The following FHIT variants were observed in gnomAD, a reference collection of about 807,000 sequenced individuals.
FHIT encodes bis(5'-adenosyl)-triphosphatase.
Under a neutral mutation model 17.9 loss-of-function variants are expected in FHIT, and 19 were observed. The observed-to-expected ratio is 1.06, with a 90% confidence interval of 0.74 to 1.56. The LOEUF is 1.56. Among genes scored for constraint, FHIT ranks in the 40% most tolerant of loss-of-function variants. FHIT has a pLI of 0.00. For synonymous variants in FHIT, 81 were observed against 69.7 expected, an observed-to-expected ratio of 1.16 and a Z score of -0.81; for missense variants, 248 against 189.2, an observed-to-expected ratio of 1.31 and a Z score of -1.82.
intron 5 of FHIT, among the ~76,000 whole-genome samples, chr3:60,333,916 A>C (rs1479879167): frequency 6.6e-6 from 1 of 152,138 alleles, no homozygotes; most frequent in South Asian, 2.1e-4. Flanking sequence ...CTTCCTGTTG[A>C]TCAACTTCTC....
In FHIT at chr3:60,388,215, C is replaced by A. The variant is rs575401282; in HGVS notation, c.103+148645G>T. Among the ~76,000 whole-genome samples, 8 of 152,240 alleles carry A rather than the reference C, an allele frequency of 5.3e-5. No individual in the cohort carries two copies. The South Asian group carries it at 1.7e-3, about 32-fold the overall frequency. On this transcript the variant is annotated intron_variant, in intron 5 of 9. Coordinates refer to ENST00000492590, the MANE Select transcript of FHIT (RefSeq NM_002012.4). ...ACCACATCTGAGATAAAATTAACCC[C>A]CTAAATAAGCACACAAATGGTATTG...
intron 5 of FHIT, among the ~76,000 whole-genome samples, chr3:60,373,836 T>A (rs372700326): frequency 1.3e-5 from 2 of 152,176 alleles, no homozygotes; most frequent in African/African-American, 4.8e-5. Context: ...CTAGTAGCCA[T>A]GGAAGAAAAG....
chr3:59,787,968 A>G (rs1236517799), intron 8 of FHIT, among the ~76,000 whole-genome samples: 3 of 152,182 alleles, frequency 2.0e-5, no homozygotes, highest in Non-Finnish European at 4.4e-5. Flanking sequence ...AGAAGTTCTG[A>G]GGAAGTGACA....
At chr3:60,241,521 CTTCCT>C in intron 5 of FHIT, among the ~76,000 whole-genome samples, 1 of 152,212 alleles carries the variant, frequency 6.6e-6, no homozygotes, top group Non-Finnish European at 1.5e-5. Context: ...AAGGTACTAT[CTTCCT>C]ATTAATCTGT....
chr3:60,039,858 T>A (rs1046278473), intron 5 of FHIT, among the ~76,000 whole-genome samples: 5 of 152,188 alleles, frequency 3.3e-5, no homozygotes, highest in African/African-American at 1.2e-4. Flanking sequence ...AATTAACCTG[T>A]CAGAGTCTAA....
chr3:60,342,224 G>C (rs926657155), intron 5 of FHIT, among the ~76,000 whole-genome samples: 4 of 152,182 alleles, frequency 2.6e-5, no homozygotes, highest in African/African-American at 4.8e-5. Flanking sequence ...TCAGTAAGTA[G>C]TTATTGAATA....
At chr3:60,946,607 G>T (rs1553775834) in intron 3 of FHIT, among the ~76,000 whole-genome samples, 3 of 152,122 alleles carry the variant, frequency 2.0e-5, no homozygotes. Context: ...ACAGGGCGCT[G>T]GGGGGAACGT....
intron 3 of FHIT, among the ~76,000 whole-genome samples, chr3:60,887,345 A>G (rs1234364646): frequency 3.3e-5 from 5 of 152,180 alleles, no homozygotes; most frequent in Admixed American, 1.3e-4. Context: ...TTTAAAGTGT[A>G]TAAGATAAAA....
At chr3:60,262,260 T>A (rs544042680) in intron 5 of FHIT, among the ~76,000 whole-genome samples, 2 of 151,998 alleles carry the variant, frequency 1.3e-5, no homozygotes, top group Non-Finnish European at 2.9e-5. Context: ...TTTAGATAAA[T>A]ATAAAGCAAA....
chr3:60,239,286 G>A (rs1187640086), intron 5 of FHIT, among the ~76,000 whole-genome samples: 2 of 152,158 alleles, frequency 1.3e-5, no homozygotes, highest in Non-Finnish European at 2.9e-5. Context: ...TTGGCTGGGA[G>A]GAGAGGCTCA....
intron 8 of FHIT, among the ~76,000 whole-genome samples, chr3:59,857,267 A>C (rs1322296175): frequency 8.5e-5 from 13 of 152,106 alleles, no homozygotes; most frequent in Non-Finnish European, 1.8e-4. Context: ...ATACACTGTC[A>C]TTTCTCCATC....
chr3:59,948,731 G>T (rs1204245363), intron 7 of FHIT, among the ~76,000 whole-genome samples: 1 of 151,952 alleles, frequency 6.6e-6, no homozygotes, highest in South Asian at 2.1e-4. Context: ...GTGACGTTGA[G>T]TATCTTTTCA....
intron 4 of FHIT, among the ~76,000 whole-genome samples, chr3:60,697,068 G>A (rs925611395): frequency 3.3e-5 from 5 of 152,120 alleles, no homozygotes; most frequent in Non-Finnish European, 7.4e-5. Context: ...TAATTTGATG[G>A]AAAGTTATCC....
intron 5 of FHIT, among the ~76,000 whole-genome samples, chr3:60,449,830 C>T (rs2031600957): frequency 1.3e-5 from 2 of 151,524 alleles, no homozygotes. Flanking sequence ...TGGTGAAACC[C>T]CATCTCTACT....
chr3:60,436,708 T>A (rs750082855), intron 5 of FHIT, among the ~76,000 whole-genome samples: 1 of 152,162 alleles, frequency 6.6e-6, no homozygotes, highest in South Asian at 2.1e-4. Flanking sequence ...TCATGGAGTC[T>A]ATATTCTAAG....
chr3:61,010,941 ATTG>A (rs1575833874), intron 3 of FHIT, among the ~76,000 whole-genome samples: 1 of 152,302 alleles, frequency 6.6e-6, no homozygotes, highest in African/African-American at 2.4e-5. Flanking sequence ...ATAATGATAT[ATTG>A]TTGTTATAAT....
At chr3:61,247,324 G>T (rs2040511617) in intron 1 of FHIT, among the ~76,000 whole-genome samples, 1 of 152,092 alleles carries the variant, frequency 6.6e-6, no homozygotes, top group South Asian at 2.1e-4. Flanking sequence ...TATTGAAGTT[G>T]TCAGCTTTAG....
chr3:61,188,180 G>T (rs374622839), intron 2 of FHIT, among the ~76,000 whole-genome samples: 139 of 152,110 alleles, frequency 9.1e-4, no homozygotes, highest in Non-Finnish European at 1.1e-3. Flanking sequence ...TTGATAGACC[G>T]CTAGCAAGAC....
intron 7 of FHIT, among the ~76,000 whole-genome samples, chr3:59,999,616 T>C (rs1050726330): frequency 6.6e-6 from 1 of 152,124 alleles, no homozygotes; most frequent in Non-Finnish European, 1.5e-5. Context: ...GCTTAAACAA[T>C]AGAGGACTTT....
Sources: gnomAD v4.1 joint callset for allele counts (sites outside exome capture counted in the v4.1 genomes callset) on GRCh38, gnomAD v4.1.1 for gene constraint, MANE v1.5 for transcripts, NCBI Gene and HGNC (gene_info 2026-07-23, HGNC 2026-07-21) for gene names.